Variants in CECR2 observed in about 807,000 individuals in gnomAD.
CECR2 encodes the protein CECR2 histone acetyl-lysine reader, also known as chromatin remodeling regulator CECR2.
In CECR2, 30 loss-of-function variants were observed where a neutral mutation model predicts 154.5. The observed-to-expected ratio is 0.19, with a 90% CI of 0.15 to 0.26. The LOEUF is 0.26. Among genes scored for constraint, CECR2 ranks in the 10% least tolerant of loss-of-function variants. CECR2 has a pLI of 1.00. For synonymous variants in CECR2, 725 were observed against 683.7 expected, an observed-to-expected ratio of 1.06 and a Z score of -0.94; for missense variants, 1,743 against 1,829.3, an observed-to-expected ratio of 0.95 and a Z score of 0.86.
chr22:17,546,426 C>T (rs902612181), intron 16 of CECR2, among the ~76,000 whole-genome samples: 10 of 142,262 alleles, frequency 7.0e-5, no homozygotes, highest in African/African-American at 2.7e-4. Context: ...GCGGAGCTTG[C>T]AGTGAGCCGA....
intron 2 of CECR2, among the ~76,000 whole-genome samples, chr22:17,479,785 T>TTTTTG (rs2055274912): frequency 7.4e-6 from 1 of 135,570 alleles, no homozygotes; most frequent in African/African-American, 2.7e-5. Context: ...TTTTTTTTTT[T>TTTTTG]GGGACAGGGT....
intron 3 of CECR2, among the ~76,000 whole-genome samples, chr22:17,497,883 C>A (rs886304221): frequency 6.6e-6 from 1 of 152,198 alleles, no homozygotes; most frequent in Non-Finnish European, 1.5e-5. Flanking sequence ...CCTGTTTGTT[C>A]TGTCATCAGC....
Position 17,523,887 on chromosome 22 carries a change from A to G in CECR2, c.955-231A>G, listed in dbSNP as rs150125014. 2.0e-3 allele frequency among the ~76,000 whole-genome samples: 307 copies of G among 152,210 alleles called. 2 individuals are homozygous for G. Among genetic ancestry groups the G allele is most frequent in the African/African-American group, 7.1e-3 (295 of 41,540 alleles). ...TCCATAAGATTGTCTCCTAAATACC[A>G]CAAATTATATAAATTGTTGGACACA... On this transcript the variant is annotated intron_variant, in intron 8 of 18. Coordinates refer to ENST00000262608, the MANE Select transcript of CECR2 (RefSeq NM_001290047.2).
chr22:17,543,852 A>G (rs909630223), intron 16 of CECR2, among the ~76,000 whole-genome samples: 2 of 151,918 alleles, frequency 1.3e-5, no homozygotes, highest in African/African-American at 2.4e-5. Flanking sequence ...AGCCTTCCAG[A>G]GACTTTTATA....
At chr22:17,435,341 G>T (rs1442960012) in intron 1 of CECR2, among the ~76,000 whole-genome samples, 1 of 152,088 alleles carries the variant, frequency 6.6e-6, no homozygotes. Flanking sequence ...TTTTCAGATT[G>T]ACAGTCCATG....
chr22:17,514,494 C>T (rs574360047), intron 8 of CECR2, among the ~76,000 whole-genome samples: 1 of 152,278 alleles, frequency 6.6e-6, no homozygotes, highest in East Asian at 1.9e-4. Context: ...ATTCCTACAC[C>T]AACATCTCTA....
intron 1 of CECR2, among the ~76,000 whole-genome samples, chr22:17,414,259 A>G (rs532979820): frequency 5.3e-5 from 8 of 152,222 alleles, no homozygotes; most frequent in South Asian, 2.1e-4. Flanking sequence ...GGCGTGAGCC[A>G]CTGCGCCCGG....
chr22:17,437,311 G>A (rs971345360), intron 1 of CECR2, among the ~76,000 whole-genome samples: 1 of 152,018 alleles, frequency 6.6e-6, no homozygotes, highest in Non-Finnish European at 1.5e-5. Context: ...ACGCGTTGTC[G>A]GGAGGGGGGC....
chr22:17,368,230 T>C (rs369821061), upstream of CECR2, among the ~76,000 whole-genome samples: 9 of 152,314 alleles, frequency 5.9e-5, no homozygotes, highest in South Asian at 6.2e-4. Context: ...AAATCTATCA[T>C]ATAAATTATC....
Position 17,557,847 on chromosome 22 carries a change from C to T in CECR2, c.*5007C>T, listed in dbSNP as rs1198586721. On this transcript the variant is annotated 3_prime_UTR_variant, in exon 19 of 19. Transcript: ENST00000262608. ...TAGCTCCTGGGGCCCCGGTCAGTCC[C>T]CAGCAGCCTTGGCACACAGTGTCTG... 3 of 152,226 alleles carry T rather than the reference C, an allele frequency of 2.0e-5. No homozygotes were observed. The highest frequency in any genetic ancestry group is 4.4e-5 in the Non-Finnish European group (3 of 68,064). 9.4% of individuals were successfully genotyped at this position (152,226 alleles called of 1,614,324 possible).
chr22:17,484,524 T>A (rs2055386136), intron 2 of CECR2, among the ~76,000 whole-genome samples: 1 of 151,866 alleles, frequency 6.6e-6, no homozygotes, highest in South Asian at 2.1e-4. Flanking sequence ...GTTGTTGTTT[T>A]TTTTAATTTT....
chr22:17,458,391 G>T (rs987149469), intron 1 of CECR2, among the ~76,000 whole-genome samples: 2 of 150,304 alleles, frequency 1.3e-5, no homozygotes, highest in Non-Finnish European at 3.0e-5. Context: ...TACAACCTGG[G>T]CGACAGAGCA....
chr22:17,372,981 C>T (rs899556938), intron 1 of CECR2, among the ~76,000 whole-genome samples: 5 of 152,124 alleles, frequency 3.3e-5, no homozygotes, highest in African/African-American at 1.2e-4. Context: ...GATTCATGCC[C>T]CACTTCTCCA....
intron 2 of CECR2, among the ~76,000 whole-genome samples, chr22:17,493,513 T>C (rs2055567699): frequency 6.6e-6 from 1 of 152,156 alleles, no homozygotes; most frequent in African/African-American, 2.4e-5. Context: ...TCTCTGATGT[T>C]TAAAAGGAGA....
chr22:17,414,189 G>A (rs943680594), intron 1 of CECR2, among the ~76,000 whole-genome samples: 53 of 151,690 alleles, frequency 3.5e-4, no homozygotes, highest in African/African-American at 4.6e-4. Context: ...AGCCAGGATG[G>A]TCTCGATCGC....
chr22:17,546,893 G>T (rs1196450819), intron 16 of CECR2, among the ~76,000 whole-genome samples: 1 of 151,628 alleles, frequency 6.6e-6, no homozygotes, highest in African/African-American at 2.4e-5. Context: ...ACAAAAATTA[G>T]CCGGGCATGG....
chr22:17,549,688 C>T lies in CECR2; in HGVS notation c.4277+124C>T, dbSNP rs758071869. 4.5e-5 allele frequency: 37 copies of T among 827,796 alleles called. 1 individual carries two copies. The highest frequency in any genetic ancestry group is 1.8e-4 in the Admixed American group (6 of 34,238). 51.3% of individuals were successfully genotyped at this position (827,796 alleles called of 1,614,324 possible). A position where few individuals can be genotyped will look rare whatever the true frequency, so the allele number is the denominator to read the frequency against. ...AGTGCAGTGGTGTGATCATGGCTCACGGCGGCATCGACCTCCCAGGCTCAA... is the reference window on the plus strand; with the variant it reads ...AGTGCAGTGGTGTGATCATGGCTCATGGCGGCATCGACCTCCCAGGCTCAA... On this transcript the variant is annotated intron_variant, in intron 17 of 18. Transcript: ENST00000262608.
intron 1 of CECR2, among the ~76,000 whole-genome samples, chr22:17,445,044 T>C (rs2054638035): frequency 1.3e-5 from 2 of 152,256 alleles, no homozygotes; most frequent in African/African-American, 4.8e-5. Context: ...TCTCTTTATT[T>C]TGCTACTTTT....
chr22:17,552,732 T>C lies in CECR2; in HGVS notation c.4390-103T>C, dbSNP rs947589654. On this transcript the variant is annotated intron_variant, in intron 18 of 18. Transcript: ENST00000262608. The stretch of plus-strand genomic sequence containing the variant: ...TAACTGATGAAACAGAATCAAGCCA[T>C]TTTCACACATGAGGAGCTTGGACAT... 4.9e-5 allele frequency: 56 copies of C among 1,136,288 alleles called. 2 individuals carry two copies. The Middle Eastern group carries it at 1.9e-3, about 38-fold the overall frequency. 70.4% of individuals were successfully genotyped at this position (1,136,288 alleles called of 1,614,324 possible).
Sources: gnomAD v4.1 joint callset for allele counts (sites outside exome capture counted in the v4.1 genomes callset) on GRCh38, gnomAD v4.1.1 for gene constraint, MANE v1.5 for transcripts, NCBI Gene and HGNC (gene_info 2026-07-23, HGNC 2026-07-21) for gene names.